PRR5: variants seen among roughly 807,000 people sequenced by gnomAD.
PRR5 encodes the protein proline-rich protein 5.
In PRR5, 25 loss-of-function variants were observed where a neutral mutation model predicts 30.6. The observed-to-expected ratio is 0.82, with a 90% CI of 0.60 to 1.14. The LOEUF is 1.14. Ranked by LOEUF, PRR5 falls within the 50% of genes most tolerant of loss-of-function variation. The pLI is 0.00. For missense variants in PRR5, 600 were observed against 547.1 expected (o/e 1.10, Z -0.96); for synonymous variants, 286 against 247.1 (o/e 1.16, Z -1.48).
chr22:44,706,014 A>G (rs770287450), intron 1 of PRR5, among the ~76,000 whole-genome samples: 17 of 151,752 alleles, frequency 1.1e-4, no homozygotes, highest in Non-Finnish European at 1.3e-4. Context: ...TGGCCAGGCT[A>G]CTCTCAAACT....
chr22:44,730,581 G>A (rs1014918204), intron 4 of PRR5: 7 of 989,252 alleles, frequency 7.1e-6, no homozygotes, highest in South Asian at 4.6e-5. Flanking sequence ...AGCTGGTCCC[G>A]ATGTCTGCTA....
upstream of PRR5, chr22:44,702,068 G>C (rs1164489035): frequency 5.7e-6 from 1 of 175,096 alleles, no homozygotes; most frequent in African/African-American, 2.4e-5. Flanking sequence ...TGCGGCCGCG[G>C]AGACGCCGGC....
intron 1 of PRR5, among the ~76,000 whole-genome samples, chr22:44,678,450 G>T (rs1311430173): frequency 6.6e-6 from 1 of 151,796 alleles, no homozygotes; most frequent in East Asian, 1.9e-4. Context: ...AAGTAGCTGG[G>T]ATTACAGGCG....
intron 1 of PRR5, among the ~76,000 whole-genome samples, chr22:44,711,735 C>T (rs1928271665): frequency 6.6e-6 from 1 of 152,148 alleles, no homozygotes; most frequent in Admixed American, 6.5e-5. Context: ...TGGGAAGGCA[C>T]CTCTGAACCT....
In PRR5 at chr22:44,737,041, A is replaced by G. The variant is rs1433290983; in HGVS notation, c.961A>G (p.Arg321Gly). ...PAPHSGPCPS[R>G]LYPTTQPPEQ... ...GCCCCACTCAGGGCCCTGCCCCAGCAGACTGTACCCCACGACCCAGCCCCC... is the reference window on the plus strand; with the variant it reads ...GCCCCACTCAGGGCCCTGCCCCAGCGGACTGTACCCCACGACCCAGCCCCC... Residue 321 changes from arginine (R) to glycine (G), a missense_variant, in exon 8 of 8, where the codon AGA (arginine) becomes GGA (glycine). Physicochemically the swap from Arg to Gly is moderately radical, Grantham distance 125 (BLOSUM62 -2). Coordinates refer to ENST00000336985, the MANE Select transcript of PRR5 (RefSeq NM_181333.4). 3 of 1,604,878 alleles carry G rather than the reference A, an allele frequency of 1.9e-6. No homozygotes were observed. Among genetic ancestry groups the G allele is most frequent in the Non-Finnish European group, 2.6e-6 (3 of 1,175,902 alleles).
chr22:44,726,247 C>T (rs1184494353), intron 3 of PRR5, among the ~76,000 whole-genome samples: 2 of 152,236 alleles, frequency 1.3e-5, no homozygotes, highest in Non-Finnish European at 2.9e-5. Flanking sequence ...AGAGTCACCT[C>T]TTGATGCAAA....
chr22:44,686,069 A>G (rs1423037514), intron 1 of PRR5, among the ~76,000 whole-genome samples: 1 of 152,138 alleles, frequency 6.6e-6, no homozygotes, highest in Non-Finnish European at 1.5e-5. Context: ...GCTGGCCAAC[A>G]TGGTGAAACC....
In PRR5 at chr22:44,679,984, G is replaced by A. The variant is rs79506484; in HGVS notation, c.-11+2744G>A. On this transcript the variant is annotated intron_variant, in intron 1 of 8. Transcript: ENST00000006251. Reference sequence around the variant, plus strand: ...CTTAGGGAAAGGTGAGTAGGACGGCGAGAGACCCACGGGGAATGAGGGCTG... The same window carrying A: ...CTTAGGGAAAGGTGAGTAGGACGGCAAGAGACCCACGGGGAATGAGGGCTG... 9,442 of 1,138,914 alleles carry A rather than the reference G, an allele frequency of 8.3e-3. 563 individuals carry two copies. The African/African-American group carries it at 0.13, about 16-fold the overall frequency. The allele number at this position is 1,138,914 out of a possible 1,614,324, so 70.6% of individuals were successfully genotyped here.
intron 1 of PRR5, among the ~76,000 whole-genome samples, chr22:44,709,333 G>C (rs1178485391): frequency 6.6e-6 from 1 of 152,208 alleles, no homozygotes; most frequent in Non-Finnish European, 1.5e-5. Context: ...ACAAGGGTCT[G>C]TGTGAGGGAG....
upstream of PRR5, among the ~76,000 whole-genome samples, chr22:44,699,606 CTG>C (rs767007751): frequency 1.3e-5 from 2 of 152,370 alleles, no homozygotes; most frequent in Admixed American, 6.5e-5. Flanking sequence ...AGCACCCAGT[CTG>C]TGCTAGGCAC....
chr22:44,679,880 G>C, intron 1 of PRR5: 1 of 1,580,204 alleles, frequency 6.3e-7, no homozygotes, highest in African/African-American at 1.3e-5. Flanking sequence ...CTGAGGGCTT[G>C]TACAGGTGCC....
chr22:44,718,479 G>A (rs1464898237), intron 2 of PRR5, among the ~76,000 whole-genome samples: 1 of 152,186 alleles, frequency 6.6e-6, no homozygotes, highest in Non-Finnish European at 1.5e-5. Context: ...ACAGGCCTGA[G>A]CCACCGCAAC....
At chr22:44,675,411 C>T (rs186895428), upstream of PRR5, among the ~76,000 whole-genome samples, 26 of 152,292 alleles carry the variant, frequency 1.7e-4, no homozygotes, top group East Asian at 3.9e-4. Context: ...TTTTTTCACT[C>T]GGTGTAATAT....
chr22:44,718,138 G>A (rs189015825), intron 2 of PRR5, among the ~76,000 whole-genome samples: 7 of 151,082 alleles, frequency 4.6e-5, no homozygotes, highest in East Asian at 1.9e-4. Flanking sequence ...GATGAATAAC[G>A]CTGCTGTGAA....
chr22:44,733,391 C>T lies in PRR5; in HGVS notation c.555+1000C>T, dbSNP rs150126615. Among the ~76,000 whole-genome samples, 372 of 152,364 alleles carry T rather than the reference C, an allele frequency of 2.4e-3. 2 individuals are homozygous for T. The highest frequency in any genetic ancestry group is 8.6e-3 in the African/African-American group (359 of 41,596). On this transcript the variant is annotated intron_variant, in intron 6 of 7. Transcript: ENST00000336985. ...GGGAGCCCAGCTTCACCCCGGCTCT[C>T]GCAGGTGCAAAGCCCTCTTTATCGT...
chr22:44,705,680 A>C (rs753505030), intron 1 of PRR5, among the ~76,000 whole-genome samples: 3 of 151,888 alleles, frequency 2.0e-5, no homozygotes, highest in Non-Finnish European at 4.4e-5. Flanking sequence ...GCTGGAGTGC[A>C]CTGGTGCAAT....
At chr22:44,692,163 T>G (rs1925297230) in intron 1 of PRR5, among the ~76,000 whole-genome samples, 2 of 151,474 alleles carry the variant, frequency 1.3e-5, no homozygotes, top group African/African-American at 4.9e-5. Context: ...ACCCGTCTCC[T>G]CCTCCTCCCG....
chr22:44,676,907 C>G (rs1209410695), upstream of PRR5: 1 of 152,232 alleles, frequency 6.6e-6, no homozygotes, highest in East Asian at 1.9e-4. Context: ...GCTGGGCTTC[C>G]CTGCATAGGG....
At chr22:44,716,179 G>A (rs933609402) in intron 2 of PRR5, among the ~76,000 whole-genome samples, 1 of 152,218 alleles carries the variant, frequency 6.6e-6, no homozygotes, top group Non-Finnish European at 1.5e-5. Context: ...CTGGGCCCCA[G>A]GCTTCCCTCG....
Sources: allele counts gnomAD v4.1 joint callset (sites outside exome capture counted in the v4.1 genomes callset), GRCh38; gene constraint gnomAD v4.1.1; transcripts MANE v1.5; gene names NCBI Gene and HGNC (gene_info 2026-07-23, HGNC 2026-07-21).